Variants in REDIC1 observed in about 807,000 individuals in gnomAD.
The protein encoded by REDIC1 is HEI10 Interacting Protein 1.
the REDIC1 span, among the ~76,000 whole-genome samples, chr12:39,813,425 T>C: frequency 6.6e-6 from 1 of 152,200 alleles, no homozygotes; most frequent in African/African-American, 2.4e-5. Flanking sequence ...TTCATCTAAA[T>C]TGTCACTTAA....
chr12:39,753,667 C>G, the REDIC1 span, among the ~76,000 whole-genome samples: 1 of 152,118 alleles, frequency 6.6e-6, no homozygotes, highest in Non-Finnish European at 1.5e-5. Context: ...AGCAAATTGC[C>G]TGTGCTTTGA....
chr12:39,629,045 G>T, the REDIC1 span, among the ~76,000 whole-genome samples: 1 of 152,160 alleles, frequency 6.6e-6, no homozygotes, highest in Non-Finnish European at 1.5e-5. Flanking sequence ...AAAAAGGGCT[G>T]TGGAAATTCA....
At chr12:39,673,259 A>T in the REDIC1 span, among the ~76,000 whole-genome samples, 1 of 152,140 alleles carries the variant, frequency 6.6e-6, no homozygotes, top group Non-Finnish European at 1.5e-5. Flanking sequence ...TTTGTGGAAA[A>T]GTGTCCTATG....
chr12:39,902,597 A>G, the REDIC1 span, among the ~76,000 whole-genome samples: 2 of 152,126 alleles, frequency 1.3e-5, no homozygotes, highest in Admixed American at 1.3e-4. Context: ...TCTTGTCCTC[A>G]CAAAAGTGAA....
chr12:39,813,946 C>T, the REDIC1 span, among the ~76,000 whole-genome samples: 1 of 152,204 alleles, frequency 6.6e-6, no homozygotes, highest in East Asian at 1.9e-4. Flanking sequence ...GATAACTCCA[C>T]ATTTCGAAAG....
chr12:39,713,640 T>C, the REDIC1 span, among the ~76,000 whole-genome samples: 1 of 149,816 alleles, frequency 6.7e-6, no homozygotes, highest in South Asian at 2.1e-4. Flanking sequence ...AGTACATATG[T>C]ATATATACCT....
At chr12:39,763,358 C>T in the REDIC1 span, among the ~76,000 whole-genome samples, 1 of 152,020 alleles carries the variant, frequency 6.6e-6, no homozygotes, top group East Asian at 1.9e-4. Flanking sequence ...TCAGCATGGT[C>T]AGAAGAGATG....
chr12:39,789,843 T>A, the REDIC1 span, among the ~76,000 whole-genome samples: 2 of 152,194 alleles, frequency 1.3e-5, no homozygotes, highest in African/African-American at 4.8e-5. Context: ...TATCTGCTTT[T>A]ATAGAGTGTC....
At chr12:39,649,579 C>CT in the REDIC1 span, among the ~76,000 whole-genome samples, 362 of 132,022 alleles carry the variant, frequency 2.7e-3, no homozygotes, top group African/African-American at 4.4e-3. Flanking sequence ...TTTGACTCTC[C>CT]TTTTTTTTTT....
chr12:39,782,986 C>T, the REDIC1 span, among the ~76,000 whole-genome samples: 9 of 152,096 alleles, frequency 5.9e-5, no homozygotes, highest in Admixed American at 3.3e-4. Flanking sequence ...TCGTCATTTA[C>T]ATTACTTATG....
chr12:39,749,711 T>C, the REDIC1 span, among the ~76,000 whole-genome samples: 1 of 152,246 alleles, frequency 6.6e-6, no homozygotes, highest in East Asian at 1.9e-4. Context: ...TCAAAAAGCT[T>C]ATCCACCATG....
chr12:39,635,708 G>C, the REDIC1 span, among the ~76,000 whole-genome samples: 1 of 152,000 alleles, frequency 6.6e-6, no homozygotes, highest in African/African-American at 2.4e-5. Context: ...TGAGTTGATG[G>C]GTGCAGGAAA....
chr12:39,737,879 A>G, the REDIC1 span, among the ~76,000 whole-genome samples: 222 of 152,316 alleles, frequency 1.5e-3, no homozygotes, highest in Non-Finnish European at 2.6e-3. Context: ...ATTTGTGTGT[A>G]GCTACATTCC....
chr12:39,784,105 C>G, the REDIC1 span, among the ~76,000 whole-genome samples: 1 of 152,166 alleles, frequency 6.6e-6, no homozygotes, highest in Non-Finnish European at 1.5e-5. Context: ...ACATTCCATG[C>G]TCATGGATAG....
chr12:39,704,640 T>C, the REDIC1 span, among the ~76,000 whole-genome samples: 1 of 152,182 alleles, frequency 6.6e-6, no homozygotes, highest in East Asian at 1.9e-4. Context: ...TATTGCGGCA[T>C]TATTTACAAT....
At chr12:39,907,657 T>C in the REDIC1 span, 1 of 152,144 alleles carries the variant, frequency 6.6e-6, no homozygotes, top group South Asian at 2.1e-4. Context: ...TACCCATTAC[T>C]TTGGAAATAG....
chr12:39,693,433 CT>C, the REDIC1 span, among the ~76,000 whole-genome samples: 2 of 147,116 alleles, frequency 1.4e-5, no homozygotes, highest in Non-Finnish European at 1.5e-5. Context: ...TTTTTTTCTG[CT>C]TTCTGGTTTC....
chr12:39,888,515 G>A, the REDIC1 span, among the ~76,000 whole-genome samples: 2 of 152,180 alleles, frequency 1.3e-5, no homozygotes, highest in African/African-American at 4.8e-5. Context: ...TTGAGCCACT[G>A]TGTCCAGCCC....
the REDIC1 span, chr12:39,764,961 A>C: frequency 7.8e-7 from 1 of 1,283,026 alleles, no homozygotes; most frequent in South Asian, 1.5e-5. Context: ...TTAATGTCTT[A>C]AGAGTCCAAA....
Sources: gnomAD v4.1 joint callset for allele counts (sites outside exome capture counted in the v4.1 genomes callset) on GRCh38, gnomAD v4.1.1 for gene constraint, MANE v1.5 for transcripts, NCBI Gene and HGNC (gene_info 2026-07-23, HGNC 2026-07-21) for gene names.